CLEC16A: variants seen among roughly 807,000 people sequenced by gnomAD.
The protein encoded by CLEC16A is protein CLEC16A.
A neutral mutation model predicts 109.5 loss-of-function variants in CLEC16A; 51 were observed. That is an observed-to-expected ratio of 0.47 (90% confidence interval 0.37 to 0.59). The LOEUF (loss-of-function observed/expected upper bound fraction) is 0.59. CLEC16A is among the 20% of genes least tolerant of loss of function. The pLI is 0.00. For missense variants in CLEC16A, 1,339 were observed against 1,394.0 expected (o/e 0.96, Z 0.63); for synonymous variants, 673 against 564.2 (o/e 1.19, Z -2.73).
intron 22 of CLEC16A, among the ~76,000 whole-genome samples, chr16:11,156,906 C>T (rs1421296595): frequency 6.9e-6 from 1 of 144,460 alleles, no homozygotes; most frequent in African/African-American, 2.6e-5. Flanking sequence ...ATTCACACAG[C>T]CCAAATGCCC....
chr16:11,055,489 G>A (rs1474290883), intron 18 of CLEC16A, among the ~76,000 whole-genome samples: 1 of 151,884 alleles, frequency 6.6e-6, no homozygotes, highest in Non-Finnish European at 1.5e-5. Context: ...TGAGGGAGGG[G>A]CAGGAGCGCA....
Position 10,944,622 on chromosome 16 carries a change from G to T in CLEC16A, c.-96G>T. ...TCGCGGTTCCTCCACCGCCTCCGCCGCCGCATCCTCCGCTTGTGCTACCGC... is the reference window on the plus strand; with the variant it reads ...TCGCGGTTCCTCCACCGCCTCCGCCTCCGCATCCTCCGCTTGTGCTACCGC... On this transcript the variant is annotated 5_prime_UTR_variant, in exon 1 of 24. Coordinates refer to ENST00000409790, the MANE Select transcript of CLEC16A (RefSeq NM_015226.3). The T allele has an allele frequency of 1.6e-6, 2 of 1,216,288 alleles. No individual in the cohort carries two copies. Among genetic ancestry groups the T allele is most frequent in the Non-Finnish European group, 2.3e-6 (2 of 864,284 alleles). 75.3% of individuals were successfully genotyped at this position (1,216,288 alleles called of 1,614,324 possible).
intron 10 of CLEC16A, among the ~76,000 whole-genome samples, chr16:10,999,452 A>G (rs1372827091): frequency 6.6e-6 from 1 of 152,176 alleles, no homozygotes; most frequent in African/African-American, 2.4e-5. Context: ...AAGGGACCCT[A>G]CTGCCTACTC....
At chr16:10,950,383 A>G (rs531542355) in intron 1 of CLEC16A, among the ~76,000 whole-genome samples, 94 of 152,320 alleles carry the variant, frequency 6.2e-4, no homozygotes, top group African/African-American at 2.2e-3. Context: ...AGAAAAGGCC[A>G]GTCTTTTCCC....
chr16:11,173,868 T>A (rs978345038), intron 23 of CLEC16A, among the ~76,000 whole-genome samples: 1 of 152,118 alleles, frequency 6.6e-6, no homozygotes, highest in Non-Finnish European at 1.5e-5. Flanking sequence ...CCAACAGGAC[T>A]CCACCTTCTC....
chr16:11,092,008 G>A (rs963579887), intron 19 of CLEC16A, among the ~76,000 whole-genome samples: 1 of 152,114 alleles, frequency 6.6e-6, no homozygotes. Flanking sequence ...CTTGGACTCA[G>A]TGTGCAGAAG....
At chr16:11,168,819 G>A (rs930544861) in intron 23 of CLEC16A, among the ~76,000 whole-genome samples, 4 of 152,268 alleles carry the variant, frequency 2.6e-5, no homozygotes, top group Admixed American at 1.3e-4. Context: ...ACAGGAGAAG[G>A]GAGACAGCTT....
At chr16:11,057,924 A>G (rs895460429) in intron 18 of CLEC16A, among the ~76,000 whole-genome samples, 9 of 152,220 alleles carry the variant, frequency 5.9e-5, no homozygotes, top group African/African-American at 2.2e-4. Context: ...TTAAAAGCTT[A>G]GATGAGACAA....
chr16:11,061,037 C>G lies in CLEC16A; in HGVS notation c.2116+15C>G. 6.3e-7 allele frequency: 1 copy of G among 1,596,340 alleles called. No homozygotes were observed. Reference sequence around the variant, plus strand: ...CCTGGATCTGAGTGAGTTGGCTGCTCTGAGTCACAGCAGGGGGCTGGGGGA... The same window carrying G: ...CCTGGATCTGAGTGAGTTGGCTGCTGTGAGTCACAGCAGGGGGCTGGGGGA... On this transcript the variant is annotated intron_variant, in intron 19 of 23. Coordinates refer to ENST00000409790, the MANE Select transcript of CLEC16A (RefSeq NM_015226.3).
At chr16:10,992,240 G>A (rs1415603158) in intron 10 of CLEC16A, among the ~76,000 whole-genome samples, 1 of 151,936 alleles carries the variant, frequency 6.6e-6, no homozygotes, top group African/African-American at 2.4e-5. Flanking sequence ...TTGGAACTTT[G>A]TACCTGTTGA....
intron 22 of CLEC16A, among the ~76,000 whole-genome samples, chr16:11,144,067 A>G (rs372315692): frequency 3.3e-5 from 5 of 152,172 alleles, no homozygotes; most frequent in East Asian, 3.8e-4. Context: ...CAAACCCAGA[A>G]CCTTGCCTTG....
intron 19 of CLEC16A, among the ~76,000 whole-genome samples, chr16:11,108,686 G>A (rs773683626): frequency 6.6e-6 from 1 of 152,226 alleles, no homozygotes; most frequent in Non-Finnish European, 1.5e-5. Flanking sequence ...TGTCATTGGG[G>A]AAGTCACTTG....
chr16:11,156,722 G>T (rs1479703600), intron 22 of CLEC16A: 13 of 1,243,576 alleles, frequency 1.0e-5, no homozygotes, highest in Non-Finnish European at 1.3e-5. Context: ...GGCGAGGCAG[G>T]GACTGGGTCC....
At chr16:10,946,453 G>A (rs910934306) in intron 1 of CLEC16A, among the ~76,000 whole-genome samples, 1 of 152,174 alleles carries the variant, frequency 6.6e-6, no homozygotes, top group Non-Finnish European at 1.5e-5. Context: ...GCAGGAGGTG[G>A]TGAGAGAAGA....
chr16:11,142,795 A>T (rs376180360), intron 22 of CLEC16A, among the ~76,000 whole-genome samples: 6 of 152,152 alleles, frequency 3.9e-5, no homozygotes, highest in South Asian at 2.1e-4. Flanking sequence ...CTTTTTATTC[A>T]TTCCTTTTTC....
chr16:11,064,288 TCCCCAGCC>T (rs2152912440), intron 19 of CLEC16A, among the ~76,000 whole-genome samples: 1 of 152,304 alleles, frequency 6.6e-6, no homozygotes, highest in South Asian at 2.1e-4. Flanking sequence ...ACCGAGTGCC[TCCCCAGCC>T]CCAGCTGCTG....
intron 18 of CLEC16A, among the ~76,000 whole-genome samples, chr16:11,058,502 C>T (rs970007251): frequency 6.6e-5 from 10 of 150,974 alleles, no homozygotes; most frequent in Admixed American, 5.9e-4. Context: ...AAAGTCTGTA[C>T]AAGTTGAGTA....
intron 3 of CLEC16A, among the ~76,000 whole-genome samples, chr16:10,963,823 A>G (rs1378972427): frequency 6.6e-6 from 1 of 152,164 alleles, no homozygotes; most frequent in Non-Finnish European, 1.5e-5. Flanking sequence ...TCATCTAAAA[A>G]CATTCTTGGG....
In CLEC16A at chr16:11,179,903, A is replaced by G. The variant is rs766454602; in HGVS notation, c.*1213A>G. 6.6e-6 allele frequency: 1 copy of G among 152,542 alleles called. No homozygotes were observed. Among genetic ancestry groups the G allele is most frequent in the Admixed American group, 6.5e-5 (1 of 15,282 alleles). 9.4% of individuals were successfully genotyped at this position (152,542 alleles called of 1,614,324 possible). On this transcript the variant is annotated 3_prime_UTR_variant, in exon 24 of 24. Transcript: ENST00000409790. Reference sequence around the variant, plus strand: ...TGTGTACAAGCAAGGACCCAGATGCATCAGACACAGCCCCCAAGATGTTCC... The same window carrying G: ...TGTGTACAAGCAAGGACCCAGATGCGTCAGACACAGCCCCCAAGATGTTCC...
Sources: gnomAD v4.1 joint callset for allele counts (sites outside exome capture counted in the v4.1 genomes callset) on GRCh38, gnomAD v4.1.1 for gene constraint, MANE v1.5 for transcripts, NCBI Gene and HGNC (gene_info 2026-07-23, HGNC 2026-07-21) for gene names.